PTPRC: variants seen among roughly 807,000 people sequenced by gnomAD.
PTPRC encodes the protein protein tyrosine phosphatase receptor type C.
PTPRC carries 44 observed loss-of-function variants against 155.9 expected under a neutral mutation model. The observed-to-expected ratio is 0.28, with a 90% CI of 0.22 to 0.36. The LOEUF (loss-of-function observed/expected upper bound fraction) is 0.36. PTPRC is among the 10% of genes least tolerant of loss of function. The pLI, the probability that PTPRC is intolerant of heterozygous loss-of-function variation, is 1.00. For synonymous variants in PTPRC, 525 were observed against 533.1 expected, an observed-to-expected ratio of 0.98 and a Z score of 0.21; for missense variants, 1,401 against 1,564.6, an observed-to-expected ratio of 0.90 and a Z score of 1.76.
intron 2 of PTPRC, among the ~76,000 whole-genome samples, chr1:198,650,836 G>A (rs1308346307): frequency 6.6e-6 from 1 of 151,764 alleles, no homozygotes; most frequent in Non-Finnish European, 1.5e-5. Flanking sequence ...AAAAGATAGT[G>A]AGAAGAGGTA....
At chr1:198,751,888 G>T (rs1318080817) in intron 29 of PTPRC, among the ~76,000 whole-genome samples, 1 of 152,008 alleles carries the variant, frequency 6.6e-6, no homozygotes, top group African/African-American at 2.4e-5. Flanking sequence ...AAAGGGTCAT[G>T]AATAACATTG....
At position 198,680,229 on chromosome 1, in the gene PTPRC, G is replaced by A. The variant is rs571523215; in HGVS notation, c.74-12118G>A. 6.6e-4 allele frequency among the ~76,000 whole-genome samples: 100 copies of A among 152,302 alleles called. 1 individual carries two copies. The highest frequency in any genetic ancestry group is 2.3e-3 in the African/African-American group (96 of 41,570). On this transcript the variant is annotated intron_variant, in intron 2 of 32. Transcript: ENST00000442510. ...ACAACATTGGGAGGCCGAGGCAGGCGGATTACCTAAGGACGGAGTTCGAGA... is the reference window on the plus strand; with the variant it reads ...ACAACATTGGGAGGCCGAGGCAGGCAGATTACCTAAGGACGGAGTTCGAGA...
intron 2 of PTPRC, among the ~76,000 whole-genome samples, chr1:198,643,014 A>G (rs1022591420): frequency 6.7e-6 from 1 of 149,780 alleles, no homozygotes; most frequent in African/African-American, 2.5e-5. Flanking sequence ...GAAAACAAAC[A>G]GGAGGTAGTT....
At chr1:198,752,524 A>C (rs1364371764) in intron 30 of PTPRC, 70 bp from the exon 31 acceptor site, 1 of 1,542,398 alleles carries the variant, frequency 6.5e-7, no homozygotes, top group African/African-American at 1.4e-5. Flanking sequence ...TGTGAAGAAA[A>C]TATGACTATC....
At chr1:198,703,625 A>T in intron 7 of PTPRC, 1 of 596,542 alleles carries the variant, frequency 1.7e-6, no homozygotes, top group Non-Finnish European at 2.9e-6. Flanking sequence ...ATCTACTAGA[A>T]CTTTTTCTCA....
intron 14 of PTPRC, 67 bp from the exon 15 acceptor site, chr1:198,722,349 A>AATATAT (rs71717833): frequency 9.3e-6 from 6 of 643,784 alleles, no homozygotes; most frequent in Non-Finnish European, 1.3e-5. Flanking sequence ...TGTGATATAT[A>AATATAT]ATATATATAT....
chr1:198,694,001 G>A (rs1666068632), intron 3 of PTPRC: 6 of 1,546,178 alleles, frequency 3.9e-6, no homozygotes, highest in African/African-American at 1.4e-5. Flanking sequence ...CAATCACGAG[G>A]TGAATTCCCA....
chr1:198,646,874 G>A (rs1383500957), intron 2 of PTPRC, among the ~76,000 whole-genome samples: 1 of 151,890 alleles, frequency 6.6e-6, no homozygotes, highest in Non-Finnish European at 1.5e-5. Context: ...GTAAAATAGT[G>A]TGTGGGGAAA....
intron 2 of PTPRC, among the ~76,000 whole-genome samples, chr1:198,658,477 A>C (rs1322151295): frequency 6.6e-6 from 1 of 152,210 alleles, no homozygotes; most frequent in African/African-American, 2.4e-5. Context: ...TACCTCCTTG[A>C]GACGGAATGA....
At chr1:198,672,427 T>G (rs1030414205) in intron 2 of PTPRC, among the ~76,000 whole-genome samples, 1 of 152,168 alleles carries the variant, frequency 6.6e-6, no homozygotes, top group African/African-American at 2.4e-5. Flanking sequence ...TTCCTTTTTT[T>G]TCTGTTAGTT....
chr1:198,718,081 T>A lies in PTPRC; in HGVS notation c.1451-13T>A. ...TTAAATTATTAATAACAAATCTTTCTTCATTTTGATAGCTCCAAGCCAGGT... is the reference window on the plus strand; with the variant it reads ...TTAAATTATTAATAACAAATCTTTCATCATTTTGATAGCTCCAAGCCAGGT... On this transcript the variant is annotated splice_polypyrimidine_tract_variant and intron_variant, in intron 13 of 32. Transcript: ENST00000442510. 6.3e-7 allele frequency: 1 copy of A among 1,587,130 alleles called. No individual in the cohort carries two copies. The highest frequency in any genetic ancestry group is 8.7e-7 in the Non-Finnish European group (1 of 1,155,444).
In PTPRC at chr1:198,750,498, T is replaced by C. The variant is rs146768191; in HGVS notation, c.3079T>C (p.Trp1027Arg). 3 of 1,612,326 alleles carry C rather than the reference T, an allele frequency of 1.9e-6. No individual in the cohort carries two copies. The highest frequency in any genetic ancestry group is 2.5e-6 in the Non-Finnish European group (3 of 1,178,878). Residue 1027 changes from tryptophan (W) to arginine (R), a missense_variant, in exon 29 of 33, where the codon TGG (tryptophan) becomes CGG (arginine). By Grantham distance (101) the Trp-to-Arg change is moderately radical (BLOSUM62 -3). Transcript: ENST00000442510. ...YINASFIMSYWKPEVMIAAQG... is the reference protein window; with the variant it reads ...YINASFIMSYRKPEVMIAAQG... ...CCTTTTTTTGTCTAAAAAGAGCTAC[T>C]GGAAACCTGAAGTGATGATTGCTGC...
At chr1:198,720,336 A>G (rs1439079445) in intron 14 of PTPRC, among the ~76,000 whole-genome samples, 1 of 151,958 alleles carries the variant, frequency 6.6e-6, no homozygotes, top group South Asian at 2.1e-4. Context: ...AAAAAATTTT[A>G]TTATTATTTT....
intron 3 of PTPRC, among the ~76,000 whole-genome samples, chr1:198,695,748 C>G (rs989242225): frequency 6.6e-6 from 1 of 152,168 alleles, no homozygotes; most frequent in African/African-American, 2.4e-5. Flanking sequence ...TCTTTGTTAT[C>G]ATGACGTCAA....
intron 26 of PTPRC, among the ~76,000 whole-genome samples, chr1:198,747,051 C>T (rs1655167220): frequency 6.6e-6 from 1 of 151,654 alleles, no homozygotes. Context: ...CCGAATTGTA[C>T]ATGAGGAGCC....
chr1:198,689,884 G>A (rs141477531), intron 2 of PTPRC, among the ~76,000 whole-genome samples: 25 of 152,222 alleles, frequency 1.6e-4, no homozygotes, highest in African/African-American at 4.6e-4. Flanking sequence ...AAATGTCATT[G>A]CAGATGACTA....
intron 10 of PTPRC, 125 bp downstream of exon 10, chr1:198,708,386 C>T: frequency 1.1e-6 from 1 of 926,136 alleles, no homozygotes; most frequent in Non-Finnish European, 1.6e-6. Context: ...CTCTGTTTGT[C>T]TTTTTTCTTT....
intron 2 of PTPRC, among the ~76,000 whole-genome samples, chr1:198,677,464 A>ATT (rs920201987): frequency 1.9e-4 from 28 of 144,778 alleles, no homozygotes; most frequent in Non-Finnish European, 3.5e-4. Context: ...CCACATTGCT[A>ATT]TTTTTTTTTT....
At chr1:198,734,684 C>T (rs1654545737) in intron 22 of PTPRC, among the ~76,000 whole-genome samples, 1 of 151,660 alleles carries the variant, frequency 6.6e-6, no homozygotes, top group African/African-American at 2.4e-5. Context: ...TGTTTCTTTG[C>T]AGTATTGTTA....
Sources: gnomAD v4.1 joint callset for allele counts (sites outside exome capture counted in the v4.1 genomes callset) on GRCh38, gnomAD v4.1.1 for gene constraint, MANE v1.5 for transcripts, NCBI Gene and HGNC (gene_info 2026-07-23, HGNC 2026-07-21) for gene names.